Variants in ERI3 observed in about 807,000 individuals in gnomAD.
The protein encoded by ERI3 is ERI1 exoribonuclease 3.
In ERI3, 18 loss-of-function variants were observed where a neutral mutation model predicts 44.4. That is an observed-to-expected ratio of 0.41 (90% CI 0.28 to 0.60). ERI3 has a LOEUF of 0.60. Among genes scored for constraint, ERI3 ranks in the 20% least tolerant of loss-of-function variants. ERI3 has a pLI of 0.36. For missense variants in ERI3, 294 were observed against 435.5 expected, an observed-to-expected ratio of 0.68 and a Z score of 2.89; for synonymous variants, 183 against 164.8, an observed-to-expected ratio of 1.11 and a Z score of -0.84.
intron 2 of ERI3, among the ~76,000 whole-genome samples, chr1:44,347,891 G>A (rs906370300): frequency 6.6e-6 from 1 of 151,916 alleles, no homozygotes; most frequent in South Asian, 2.1e-4. Flanking sequence ...GTGTGTGTGT[G>A]TGTGTGTGTG....
At chr1:44,285,880 G>C (rs982125389) in intron 6 of ERI3, among the ~76,000 whole-genome samples, 3 of 152,212 alleles carry the variant, frequency 2.0e-5, no homozygotes, top group Non-Finnish European at 4.4e-5. Flanking sequence ...TTTGCTACAG[G>C]CAATGGAGAG....
At chr1:44,341,524 C>T (rs1217204704) in intron 2 of ERI3, among the ~76,000 whole-genome samples, 3 of 152,160 alleles carry the variant, frequency 2.0e-5, no homozygotes, top group Admixed American at 6.5e-5. Flanking sequence ...ACTATATATA[C>T]CCTATTCTGA....
intron 2 of ERI3, among the ~76,000 whole-genome samples, chr1:44,346,752 G>A (rs1364218117): frequency 2.0e-5 from 3 of 152,110 alleles, no homozygotes; most frequent in Admixed American, 6.6e-5. Context: ...ACTGGTAATA[G>A]ACAAACCTAG....
intron 6 of ERI3, among the ~76,000 whole-genome samples, chr1:44,290,206 C>T (rs928837175): frequency 2.0e-5 from 3 of 152,198 alleles, no homozygotes; most frequent in African/African-American, 7.2e-5. Context: ...CAGGCACATA[C>T]TGTTCGCCTG....
At chr1:44,271,894 G>A (rs954583518) in intron 7 of ERI3, among the ~76,000 whole-genome samples, 1 of 152,228 alleles carries the variant, frequency 6.6e-6, no homozygotes, top group African/African-American at 2.4e-5. Context: ...CCCGCAGTGT[G>A]AGCTGAGGGT....
intron 7 of ERI3, among the ~76,000 whole-genome samples, chr1:44,255,510 CTCCTTGGGT>C (rs1203183347): frequency 1.3e-5 from 2 of 152,332 alleles, no homozygotes; most frequent in East Asian, 3.9e-4. Context: ...TGCTACCACT[CTCCTTGGGT>C]TCCTTGGGTG....
At chr1:44,314,100 A>G (rs1430418609) in intron 4 of ERI3, among the ~76,000 whole-genome samples, 1 of 151,972 alleles carries the variant, frequency 6.6e-6, no homozygotes, top group East Asian at 1.9e-4. Context: ...GGCTACTTCC[A>G]GAAAGAGCAG....
intron 5 of ERI3, among the ~76,000 whole-genome samples, chr1:44,308,871 T>C (rs1001000388): frequency 1.3e-5 from 2 of 152,172 alleles, no homozygotes; most frequent in African/African-American, 2.4e-5. Context: ...ACTTACAAAT[T>C]TGGTTATTCA....
chr1:44,331,610 G>A (rs558512170), intron 3 of ERI3, among the ~76,000 whole-genome samples: 5 of 152,272 alleles, frequency 3.3e-5, no homozygotes, highest in South Asian at 4.1e-4. Context: ...GAGAAACAGC[G>A]TAAAACTGAT....
intron 8 of ERI3, among the ~76,000 whole-genome samples, chr1:44,223,887 T>C (rs1168086386): frequency 6.6e-6 from 1 of 152,026 alleles, no homozygotes; most frequent in Non-Finnish European, 1.5e-5. Context: ...CTCTCCAGCC[T>C]GGACAGCTCA....
intron 8 of ERI3, chr1:44,242,069 C>T: frequency 1.0e-6 from 1 of 985,522 alleles, no homozygotes; most frequent in Non-Finnish European, 1.2e-6. Flanking sequence ...TCCAGGCAGG[C>T]CAGTGCAGAC....
intron 8 of ERI3, among the ~76,000 whole-genome samples, chr1:44,233,346 TG>T (rs1422721543): frequency 4.0e-5 from 6 of 150,876 alleles, no homozygotes; most frequent in Non-Finnish European, 8.8e-5. Context: ...GCCACTCTCC[TG>T]AGTTTGCCCC....
chr1:44,350,178 T>C (rs932113104), intron 2 of ERI3, among the ~76,000 whole-genome samples: 2 of 152,176 alleles, frequency 1.3e-5, no homozygotes, highest in African/African-American at 4.8e-5. Context: ...TAATTGACAA[T>C]AAGCTATGAG....
At chr1:44,310,977 A>C (rs867343762) in intron 5 of ERI3, among the ~76,000 whole-genome samples, 1 of 116,780 alleles carries the variant, frequency 8.6e-6, no homozygotes, top group Non-Finnish European at 2.0e-5. Context: ...ACACACACAC[A>C]CACACACACA....
chr1:44,221,376 C>G lies in ERI3; in HGVS notation c.*182G>C. On this transcript the variant is annotated 3_prime_UTR_variant, in exon 9 of 9. Transcript: ENST00000372257. The surrounding 1 kb of genome is among the most constrained non-coding windows in gnomAD (Gnocchi z 5.9). ...GCACAAAGTGTCTGCTCCAGAAGGG[C>G]CAAGTGGCCAAGCCCTTGCAAGGGC... is the stretch of plus-strand genomic sequence containing the variant. 1.7e-6 allele frequency: 1 copy of G among 586,618 alleles called. No homozygotes were observed. The allele number at this position is 586,618 out of a possible 1,614,324, so 36.3% of individuals were successfully genotyped here. A position where few individuals can be genotyped will look rare whatever the true frequency, so the allele number is the denominator to read the frequency against.
chr1:44,317,801 G>A (rs1646122056), intron 4 of ERI3, among the ~76,000 whole-genome samples: 1 of 152,114 alleles, frequency 6.6e-6, no homozygotes, highest in Admixed American at 6.5e-5. Context: ...GGACCATCAT[G>A]TGAAAAGACA....
At chr1:44,346,249 C>T (rs1376797640) in intron 2 of ERI3, among the ~76,000 whole-genome samples, 1 of 152,226 alleles carries the variant, frequency 6.6e-6, no homozygotes, top group African/African-American at 2.4e-5. Flanking sequence ...TAATCCCAAA[C>T]TACCAGCAGA....
At chr1:44,289,416 C>T (rs2154323832) in intron 6 of ERI3, among the ~76,000 whole-genome samples, 1 of 152,318 alleles carries the variant, frequency 6.6e-6, no homozygotes, top group Non-Finnish European at 1.5e-5. Flanking sequence ...ATTAACAAGC[C>T]CTACCCTCAG....
At chr1:44,285,000 A>C in intron 6 of ERI3, 93 bp from the exon 7 acceptor site, 1 of 1,081,918 alleles carries the variant, frequency 9.2e-7, no homozygotes, top group Non-Finnish European at 1.4e-6. Flanking sequence ...CATACAAGAC[A>C]AACAGACCTC....
Sources: allele counts gnomAD v4.1 joint callset (sites outside exome capture counted in the v4.1 genomes callset), GRCh38; gene constraint gnomAD v4.1.1; non-coding constraint Gnocchi (gnomAD v3.1); transcripts MANE v1.5; gene names NCBI Gene and HGNC (gene_info 2026-07-23, HGNC 2026-07-21).